The following ZNF518A variants were observed in gnomAD, a reference collection of about 807,000 sequenced individuals.
ZNF518A encodes the protein zinc finger protein 518.
In ZNF518A, 47 loss-of-function variants were observed where a neutral mutation model predicts 102.7. The ratio of observed to expected loss-of-function variants is 0.46; its 90% CI spans 0.36 to 0.58. The LOEUF is 0.58. Ranked by LOEUF, ZNF518A falls within the 20% of genes least tolerant of loss-of-function variation. The pLI, the probability that ZNF518A is intolerant of heterozygous loss-of-function variation, is 0.00. For synonymous variants in ZNF518A, 652 were observed against 594.6 expected, an observed-to-expected ratio of 1.10 and a Z score of -1.40; for missense variants, 1,793 against 1,699.8, an observed-to-expected ratio of 1.05 and a Z score of -0.96.
chr10:96,134,281 A>C (rs1324958559), intron 3 of ZNF518A, among the ~76,000 whole-genome samples: 3 of 152,200 alleles, frequency 2.0e-5, no homozygotes, highest in African/African-American at 7.2e-5. Flanking sequence ...CCCAGGCTGG[A>C]GTGCAGTGGC....
At chr10:96,186,340 C>A (rs1358685803) in intron 1 of ZNF518A, among the ~76,000 whole-genome samples, 1 of 152,180 alleles carries the variant, frequency 6.6e-6, no homozygotes, top group African/African-American at 2.4e-5. Flanking sequence ...TACTATTCAG[C>A]CATCTTGGAA....
intron 1 of ZNF518A, chr10:96,189,705 A>G (rs2083299206): frequency 7.1e-6 from 5 of 703,940 alleles, no homozygotes; most frequent in Non-Finnish European, 1.3e-5. Context: ...CAAAATCATC[A>G]TCATCATCAT....
chr10:96,204,412 A>C, downstream of ZNF518A: 1 of 1,177,356 alleles, frequency 8.5e-7, no homozygotes, highest in Non-Finnish European at 1.3e-6. Flanking sequence ...ACTGCAAAAC[A>C]ATGAAATGTT....
chr10:96,147,258 T>C (rs587771927), intron 3 of ZNF518A, among the ~76,000 whole-genome samples: 1 of 152,342 alleles, frequency 6.6e-6, no homozygotes, highest in South Asian at 2.1e-4. Context: ...GACGGTACAG[T>C]GTCAGTGACG....
intron 2 of ZNF518A, chr10:96,132,995 C>T (rs2081415147): frequency 6.6e-6 from 1 of 152,094 alleles, no homozygotes; most frequent in Non-Finnish European, 1.5e-5. Flanking sequence ...TTTACATATA[C>T]ATGAGTTTTC....
chr10:96,161,007 T>C lies in ZNF518A; in HGVS notation c.*233T>C, dbSNP rs2082978587. 1 of 403,398 alleles carries C rather than the reference T, an allele frequency of 2.5e-6. No individual in the cohort carries two copies. 25.0% of individuals were successfully genotyped at this position (403,398 alleles called of 1,614,324 possible). ...TAATCACAGCACAGAAGTACCTTGA[T>C]TTAATTTTTTAAACGTGTTCTCGGG... On this transcript the variant is annotated 3_prime_UTR_variant, in exon 6 of 6. Transcript: ENST00000316045.
intron 3 of ZNF518A, among the ~76,000 whole-genome samples, chr10:96,148,306 G>T (rs2082264073): frequency 6.6e-6 from 1 of 152,144 alleles, no homozygotes; most frequent in Admixed American, 6.5e-5. Flanking sequence ...CTGGTGTGGT[G>T]GCACATGCCT....
At chr10:96,154,495 A>G (rs2082605574) in intron 3 of ZNF518A, among the ~76,000 whole-genome samples, 2 of 147,316 alleles carry the variant, frequency 1.4e-5, no homozygotes. Flanking sequence ...TTAACAAAGC[A>G]GTGAGTTAAA....
intron 1 of ZNF518A, among the ~76,000 whole-genome samples, chr10:96,184,012 A>G (rs1026976425): frequency 2.0e-5 from 3 of 152,174 alleles, no homozygotes; most frequent in Non-Finnish European, 4.4e-5. Context: ...TTGGGTGCAT[A>G]TAGATTTAGG....
chr10:96,200,200 C>G lies in ZNF518A; in HGVS notation n.36-3374C>G. 1 of 1,551,938 alleles carries G rather than the reference C, an allele frequency of 6.4e-7. No individual in the cohort carries two copies. Among genetic ancestry groups the G allele is most frequent in the Non-Finnish European group, 8.9e-7 (1 of 1,124,424 alleles). On this transcript the variant is annotated intron_variant and non_coding_transcript_variant, in intron 1 of 2. Coordinates refer to the ZNF518A transcript ENST00000442635. The surrounding 1 kb of genome is among the most constrained non-coding windows in gnomAD (Gnocchi z 4.3). Reference sequence around the variant, plus strand: ...ACTGGTCAGCATGGGATGGTCCCTACTTAACTCTAATTTCTGTGTACTAGA... The same window carrying G: ...ACTGGTCAGCATGGGATGGTCCCTAGTTAACTCTAATTTCTGTGTACTAGA...
intron 1 of ZNF518A, among the ~76,000 whole-genome samples, chr10:96,131,993 T>C (rs1554872102): frequency 6.6e-6 from 1 of 152,094 alleles, no homozygotes; most frequent in East Asian, 1.9e-4. Context: ...CATTGCATAC[T>C]TTAGAGCACT....
chr10:96,162,656 A>G lies in ZNF518A; in HGVS notation c.*1882A>G, dbSNP rs1462054820. On this transcript the variant is annotated 3_prime_UTR_variant, in exon 6 of 6. Coordinates refer to ENST00000316045, the MANE Select transcript of ZNF518A (RefSeq NM_001330736.2). ...AATATACAGTATATATTAATAATGT[A>G]CATGGTGTTTAAAGAATGGTAAGCA... is the stretch of plus-strand genomic sequence containing the variant. 6.0e-6 allele frequency: 1 copy of G among 166,154 alleles called. No homozygotes were observed. The highest frequency in any genetic ancestry group is 1.5e-5 in the Non-Finnish European group (1 of 68,028). 10.3% of individuals were successfully genotyped at this position (166,154 alleles called of 1,614,324 possible).
Position 96,176,208 on chromosome 10 carries a change from G to A in ZNF518A, n.35+20161G>A, listed in dbSNP as rs144931449. On this transcript the variant is annotated intron_variant and non_coding_transcript_variant, in intron 1 of 2. Transcript: ENST00000442635. ...GGCTTCCCAAAGCAATGTTATAGAT[G>A]TGAGCCACTACACTCAGCCTATAAA... is the stretch of plus-strand genomic sequence containing the variant. Among the ~76,000 whole-genome samples, 96 of 152,188 alleles carry A rather than the reference G, an allele frequency of 6.3e-4. 2 individuals carry two copies. The highest frequency in any genetic ancestry group is 2.3e-3 in the African/African-American group (95 of 41,502).
chr10:96,185,323 T>TC (rs1300021904), intron 1 of ZNF518A, among the ~76,000 whole-genome samples: 1 of 152,228 alleles, frequency 6.6e-6, no homozygotes, highest in African/African-American at 2.4e-5. Flanking sequence ...AAAGTCATTC[T>TC]CCGTCCAGCT....
intron 1 of ZNF518A, among the ~76,000 whole-genome samples, chr10:96,172,434 C>G (rs1301625040): frequency 6.6e-6 from 1 of 151,944 alleles, no homozygotes; most frequent in Non-Finnish European, 1.5e-5. Context: ...ATATGAAAAA[C>G]TCTATAAATA....
rs1170633531 is a variant in ZNF518A, at chr10:96,162,220, AT to A, written c.*1450del. The A allele has an allele frequency of 6.0e-6, 1 of 166,802 alleles. No individual in the cohort carries two copies. Among genetic ancestry groups the A allele is most frequent in the Non-Finnish European group, 1.5e-5 (1 of 68,002 alleles). The allele number at this position is 166,802 out of a possible 1,614,324, so 10.3% of individuals were successfully genotyped here. ...GCACAGAAATTTTTGGCATAAGTTT[AT>A]TTTCTTTCAGTTTAGTTCAGTGCAT... On this transcript the variant is annotated 3_prime_UTR_variant, in exon 6 of 6. Transcript: ENST00000316045.
In ZNF518A at chr10:96,156,500, G is replaced by T; in HGVS notation, c.178G>T (p.Glu60Ter). Residue 60 changes from glutamate to a stop codon, truncating the protein, a stop_gained, in exon 6 of 6, where the codon GAA (glutamate) becomes TAA (stop). Coordinates refer to ENST00000316045, the MANE Select transcript of ZNF518A (RefSeq NM_001330736.2). LOFTEE classifies it high-confidence loss of function. ...IDLPKINIPN[E>*]VLLKHEVDKY... The stretch of plus-strand genomic sequence containing the variant: ...TTTGCCAAAAATAAATATTCCAAAT[G>T]AAGTCCTATTGAAACATGAAGTTGA... 1 of 1,610,664 alleles carries T rather than the reference G, an allele frequency of 6.2e-7. No individual in the cohort carries two copies. Among genetic ancestry groups the T allele is most frequent in the South Asian group, 1.1e-5 (1 of 89,694 alleles).
rs782389325 is a variant in ZNF518A, at chr10:96,157,926, C to G, written c.1604C>G (p.Ser535Cys). The change falls in exon 6 of 6, where the codon TCT becomes TGT. Residue 535 changes from serine to cysteine, a missense_variant. Coordinates refer to ENST00000316045, the MANE Select transcript of ZNF518A (RefSeq NM_001330736.2). ...TCAGAAAAAGAAATGACTTTGATAT[C>G]TCAAAGGAATAATATGCTTCAAACA... ...ASSEKEMTLI[S>C]QRNNMLQTMD... 6.2e-7 allele frequency: 1 copy of G among 1,613,726 alleles called. No homozygotes were observed. The highest frequency in any genetic ancestry group is 8.5e-7 in the Non-Finnish European group (1 of 1,179,718).
rs372585399 is a variant in ZNF518A, at chr10:96,157,360, A to G, written c.1038A>G (p.Gln346=). ...GSDRSIEKNT[Q]VLKKMNKTQT... is the part of the protein sequence containing the mutation. Reference sequence around the variant, plus strand: ...ACAGAAGTATAGAAAAGAACACTCAAGTGCTTAAGAAAATGAACAAAACAC... The same window carrying G: ...ACAGAAGTATAGAAAAGAACACTCAGGTGCTTAAGAAAATGAACAAAACAC... Residue 346 remains glutamine (Q), a synonymous_variant, in exon 6 of 6, where the codon CAA becomes CAG. Coordinates refer to ENST00000316045, the MANE Select transcript of ZNF518A (RefSeq NM_001330736.2). 1.2e-6 allele frequency: 2 copies of G among 1,610,656 alleles called. No homozygotes were observed. Among genetic ancestry groups the G allele is most frequent in the African/African-American group, 2.7e-5 (2 of 74,852 alleles).
Sources: gnomAD v4.1 joint callset for allele counts (sites outside exome capture counted in the v4.1 genomes callset) on GRCh38, gnomAD v4.1.1 for gene constraint, Gnocchi (gnomAD v3.1) non-coding constraint, MANE v1.5 for transcripts, NCBI Gene and HGNC (gene_info 2026-07-23, HGNC 2026-07-21) for gene names.